The following TMC2 variants were observed in gnomAD, a reference collection of about 807,000 sequenced individuals.
TMC2 encodes transmembrane channel like 2.
Under a neutral mutation model 105.9 loss-of-function variants are expected in TMC2, and 102 were observed. That is an observed-to-expected ratio of 0.96 (90% CI 0.82 to 1.14). The LOEUF is 1.14. Ranked by LOEUF, TMC2 falls within the 50% of genes most tolerant of loss-of-function variation. The pLI, the probability that TMC2 is intolerant of heterozygous loss-of-function variation, is 0.00. For missense variants in TMC2, 1,093 were observed against 1,134.3 expected (o/e 0.96, Z 0.52); for synonymous variants, 402 against 422.8 (o/e 0.95, Z 0.60).
In TMC2 at chr20:2,643,452, C is replaced by G. The variant is rs1283232364; in HGVS notation, c.*2101C>G. Among the ~76,000 whole-genome samples the G allele has an allele frequency of 6.6e-6, 1 of 152,234 alleles. No homozygotes were observed. Among genetic ancestry groups the G allele is most frequent in the African/African-American group, 2.4e-5 (1 of 41,448 alleles). On this transcript the variant is annotated 3_prime_UTR_variant, in exon 20 of 20. Coordinates refer to ENST00000358864, the MANE Select transcript of TMC2 (RefSeq NM_080751.3). The stretch of plus-strand genomic sequence containing the variant: ...TACACATAAATACCCACCACAAACA[C>G]AAACCAACCATCCTGATCTGATGAA...
Position 2,571,988 on chromosome 20 carries a change from G to T in TMC2, c.555-191G>T, listed in dbSNP as rs2422788. Among the ~76,000 whole-genome samples the T allele has an allele frequency of 0.12, 18,877 of 152,164 alleles. 1,436 individuals carry two copies. The highest frequency in any genetic ancestry group is 0.21 in the African/African-American group (8,563 of 41,478). ...GCCTACCATGCCTGTTATGTACCTC[G>T]CACTCTTCTCAGCATTTGGGAAACT... On this transcript the variant is annotated intron_variant, in intron 4 of 19. Transcript: ENST00000358864.
intron 7 of TMC2, among the ~76,000 whole-genome samples, chr20:2,591,721 AAGAAAAG>A (rs1321613328): frequency 6.6e-6 from 1 of 152,086 alleles, no homozygotes; most frequent in Non-Finnish European, 1.5e-5. Context: ...AAAGAAAGAA[AAGAAAAG>A]AGAAAAGAGA....
chr20:2,574,493 C>A (rs1219301284), intron 5 of TMC2, among the ~76,000 whole-genome samples: 1 of 152,136 alleles, frequency 6.6e-6, no homozygotes, highest in Non-Finnish European at 1.5e-5. Context: ...AAGATGATAA[C>A]CTTTCAATAG....
At chr20:2,555,079 A>T (rs6050024) in intron 2 of TMC2, among the ~76,000 whole-genome samples, 102,909 of 151,896 alleles carry the variant, frequency 0.68, 35,145 homozygotes, top group African/African-American at 0.75. Flanking sequence ...CAGTTTTTTT[A>T]TGTTTTTGTT....
intron 13 of TMC2, 131 bp from the exon 14 acceptor site, chr20:2,613,063 G>A (rs2086453098): frequency 9.6e-6 from 12 of 1,250,324 alleles, no homozygotes; most frequent in Middle Eastern, 2.9e-4. Flanking sequence ...CACACACAAA[G>A]GATCAGAGGG....
intron 7 of TMC2, among the ~76,000 whole-genome samples, chr20:2,584,721 A>G (rs569247249): frequency 6.6e-6 from 1 of 152,186 alleles, no homozygotes; most frequent in East Asian, 1.9e-4. Flanking sequence ...CATTTACAGC[A>G]AAGTTTGTCT....
At chr20:2,564,881 C>G (rs742840) in intron 4 of TMC2, among the ~76,000 whole-genome samples, 18,522 of 152,214 alleles carry the variant, frequency 0.12, 1,403 homozygotes, top group African/African-American at 0.21. Context: ...TCTTCCCTTC[C>G]CCAAGGCTCC....
intron 4 of TMC2, among the ~76,000 whole-genome samples, chr20:2,571,191 A>T (rs1246895292): frequency 6.6e-6 from 1 of 152,216 alleles, no homozygotes; most frequent in Non-Finnish European, 1.5e-5. Flanking sequence ...AACAAAAGAA[A>T]CTATCAGCAG....
At chr20:2,625,587 T>A (rs1445164167) in intron 17 of TMC2, among the ~76,000 whole-genome samples, 1 of 152,264 alleles carries the variant, frequency 6.6e-6, no homozygotes, top group Non-Finnish European at 1.5e-5. Flanking sequence ...GAGCACATGT[T>A]TGAAGGCTCT....
rs6050576 is a variant in TMC2 at position 2,610,586 on chromosome 20, C to T, written c.1581C>T (p.Asp527=). ...LYTFLLALMD[D]VHLKLANEET... is the part of the protein sequence containing the mutation. ...CATTTCTCTTGGCCCTGATGGATGA[C>T]GTCCACCTCAAGGTAAAAACCACAA... Residue 527 remains aspartate, a synonymous_variant, in exon 12 of 20, where the codon GAC becomes GAT. Transcript: ENST00000358864. 0.25 allele frequency: 390,131 copies of T among 1,590,464 alleles called. 49,529 individuals are homozygous for T. The highest frequency in any genetic ancestry group is 0.38 in the African/African-American group (28,380 of 73,852).
In TMC2 at chr20:2,613,217, TG is replaced by T. The variant is rs759660856; in HGVS notation, c.1768del (p.Asp590ThrfsTer4). The T allele has an allele frequency of 1.2e-6, 2 of 1,613,304 alleles. No homozygotes were observed. The highest frequency in any genetic ancestry group is 2.7e-5 in the African/African-American group (2 of 74,852). On this transcript the variant is annotated frameshift_variant, in exon 14 of 20. Transcript: ENST00000358864. LOFTEE classifies it high-confidence loss of function. ...GIEFMRLTVS[D>X]MLVTYITILL... ...AGGAATTCATGAGGCTGACGGTGTC[TG>T]ACATGCTGGTAACGTACATCACCAT...
intron 1 of TMC2, 149 bp downstream of exon 1, chr20:2,536,804 C>T: frequency 1.3e-6 from 1 of 784,734 alleles, no homozygotes; most frequent in Non-Finnish European, 2.2e-6. Flanking sequence ...GCGACCTCGG[C>T]TGGTTATTCA....
intron 10 of TMC2, among the ~76,000 whole-genome samples, chr20:2,598,027 C>T (rs186796275): frequency 1.1e-3 from 171 of 152,180 alleles, no homozygotes; most frequent in Admixed American, 2.4e-3. Flanking sequence ...ATTGGTTTTT[C>T]AAAAGCTCCC....
intron 4 of TMC2, among the ~76,000 whole-genome samples, chr20:2,566,073 TA>T (rs1302009232): frequency 2.6e-5 from 4 of 152,010 alleles, no homozygotes; most frequent in African/African-American, 9.7e-5. Context: ...TGGCTGGACA[TA>T]AAAAGCAACA....
rs2086481206 is a variant in TMC2 at position 2,616,271 on chromosome 20, T to C, written c.1940+67T>C. 1.5e-6 allele frequency: 2 copies of C among 1,359,390 alleles called. No homozygotes were observed. Among genetic ancestry groups the C allele is most frequent in the South Asian group, 1.2e-5 (1 of 85,796 alleles). The allele number at this position is 1,359,390 out of a possible 1,614,324, so 84.2% of individuals were successfully genotyped here. On this transcript the variant is annotated intron_variant, in intron 15 of 19. Coordinates refer to ENST00000358864, the MANE Select transcript of TMC2 (RefSeq NM_080751.3). The surrounding 1 kb of genome is among the most constrained non-coding windows in gnomAD (Gnocchi z 4.8). ...GTCAAAAAACTGGAATCCCAGACTT[T>C]GCAACTTAACTAGTTGGAAGAGGCT...
Position 2,636,459 on chromosome 20 carries a change from T to TACACACACACACACACACAC in TMC2, c.2385+470_2385+489dup, listed in dbSNP as rs3051763. On this transcript the variant is annotated intron_variant, in intron 18 of 19. Coordinates refer to ENST00000358864, the MANE Select transcript of TMC2 (RefSeq NM_080751.3). ...TGACACCCTACTTCTGACTGCTGTC[T>TACACACACACACACACACAC]ACACACACACACACACACACACACA... 2.9e-4 allele frequency among the ~76,000 whole-genome samples: 41 copies of TACACACACACACACACACAC among 143,524 alleles called. 1 individual carries two copies. The highest frequency in any genetic ancestry group is 2.1e-3 in the South Asian group (9 of 4,340). 94.2% of individuals were successfully genotyped at this position (143,524 alleles called of 152,430 possible).
intron 3 of TMC2, among the ~76,000 whole-genome samples, chr20:2,560,379 T>C (rs1318541738): frequency 1.3e-5 from 2 of 152,154 alleles, no homozygotes; most frequent in Non-Finnish European, 2.9e-5. Flanking sequence ...CAGAGGCTGC[T>C]GCAAACCTGT....
chr20:2,582,067 G>A (rs1487371629), intron 7 of TMC2, among the ~76,000 whole-genome samples: 1 of 152,088 alleles, frequency 6.6e-6, no homozygotes, highest in Admixed American at 6.6e-5. Context: ...AAGGGAAGAG[G>A]CTTAGACCAG....
At chr20:2,606,891 C>T (rs74977212) in intron 11 of TMC2, among the ~76,000 whole-genome samples, 1,823 of 83,736 alleles carry the variant, frequency 0.022, 75 homozygotes, top group African/African-American at 0.078. Context: ...TTTCTTTTTT[C>T]TTTTTTTTTT....
Sources: allele counts gnomAD v4.1 joint callset (sites outside exome capture counted in the v4.1 genomes callset), GRCh38; gene constraint gnomAD v4.1.1; non-coding constraint Gnocchi (gnomAD v3.1); transcripts MANE v1.5; gene names NCBI Gene and HGNC (gene_info 2026-07-23, HGNC 2026-07-21).